The following KIF14 variants were observed in gnomAD, a reference collection of about 807,000 sequenced individuals.
The protein encoded by KIF14 is kinesin family member 14, also known as kinesin-like protein KIF14.
A neutral mutation model predicts 176.2 loss-of-function variants in KIF14; 98 were observed. The observed-to-expected ratio is 0.56, with a 90% CI of 0.47 to 0.66. KIF14 has a LOEUF of 0.66. Ranked by LOEUF, KIF14 falls within the 30% of genes least tolerant of loss-of-function variation. The pLI is 0.00. For missense variants in KIF14, 1,751 were observed against 1,920.4 expected (o/e 0.91, Z 1.65); for synonymous variants, 566 against 632.2 (o/e 0.90, Z 1.57).
At chr1:200,555,903 C>A (rs561362246) in intron 27 of KIF14, among the ~76,000 whole-genome samples, 2 of 151,898 alleles carry the variant, frequency 1.3e-5, no homozygotes, top group African/African-American at 4.8e-5. Flanking sequence ...ATATGGACAC[C>A]CTCTAATATT....
In KIF14 at chr1:200,565,052, T is replaced by C. The variant is rs1259622077; in HGVS notation, c.4071+17A>G. 1.3e-6 allele frequency: 2 copies of C among 1,584,612 alleles called. No individual in the cohort carries two copies. Among genetic ancestry groups the C allele is most frequent in the Non-Finnish European group, 1.7e-6 (2 of 1,157,076 alleles). ...ATTAAATGAATCCTTCAAATGATAA[T>C]AAGCAAATCAATTTACCTGCAAAAA... On this transcript the variant is annotated intron_variant, in intron 25 of 29. Coordinates refer to ENST00000367350, the MANE Select transcript of KIF14 (RefSeq NM_014875.3).
At chr1:200,564,608 C>T (rs1354800200) in intron 25 of KIF14, among the ~76,000 whole-genome samples, 1 of 152,190 alleles carries the variant, frequency 6.6e-6, no homozygotes, top group African/African-American at 2.4e-5. Context: ...AGTTGAAATC[C>T]AATCCCATAC....
intron 1 of KIF14, among the ~76,000 whole-genome samples, chr1:200,619,658 G>A (rs1394668448): frequency 2.0e-5 from 3 of 152,206 alleles, no homozygotes; most frequent in African/African-American, 7.2e-5. Context: ...GCCCATGTAT[G>A]TTGAATACAG....
intron 14 of KIF14, among the ~76,000 whole-genome samples, chr1:200,597,746 G>A (rs1659425370): frequency 6.6e-6 from 1 of 152,088 alleles, no homozygotes; most frequent in South Asian, 2.1e-4. Flanking sequence ...TCATACAATG[G>A]AATACTTCAT....
At chr1:200,555,907 T>C (rs1030875308) in intron 27 of KIF14, among the ~76,000 whole-genome samples, 2 of 152,216 alleles carry the variant, frequency 1.3e-5, no homozygotes, top group Admixed American at 1.3e-4. Context: ...GGACACCCTC[T>C]AATATTTGTT....
At chr1:200,586,992 A>G (rs933981841) in intron 18 of KIF14, among the ~76,000 whole-genome samples, 3 of 152,150 alleles carry the variant, frequency 2.0e-5, no homozygotes, top group African/African-American at 7.2e-5. Context: ...ATAGAGTGGT[A>G]TAATGCAGCG....
intron 18 of KIF14, among the ~76,000 whole-genome samples, chr1:200,588,550 A>T (rs1658880892): frequency 1.3e-5 from 2 of 152,106 alleles, no homozygotes; most frequent in African/African-American, 2.4e-5. Flanking sequence ...AAATATTTGC[A>T]TTTCTAACAT....
chr1:200,555,650 C>T (rs1656794326), intron 27 of KIF14, among the ~76,000 whole-genome samples, 196 bp from the exon 28 acceptor site: 1 of 152,106 alleles, frequency 6.6e-6, no homozygotes, highest in Admixed American at 6.5e-5. Flanking sequence ...ATAAATTGCA[C>T]ATTGACTTCT....
At chr1:200,594,621 G>C (rs1659238534) in intron 14 of KIF14, among the ~76,000 whole-genome samples, 1 of 152,050 alleles carries the variant, frequency 6.6e-6, no homozygotes, top group Admixed American at 6.6e-5. Context: ...TGATACTGTG[G>C]AAAATCAGCT....
At chr1:200,576,536 G>T (rs1488561151) in intron 21 of KIF14, among the ~76,000 whole-genome samples, 2 of 151,426 alleles carry the variant, frequency 1.3e-5, no homozygotes, top group Non-Finnish European at 2.9e-5. Flanking sequence ...CAACCACTAG[G>T]TTTTAAAGTA....
Position 200,615,289 on chromosome 1 carries a change from CT to C in KIF14, c.1367+65del, listed in dbSNP as rs539812974. On this transcript the variant is annotated intron_variant, in intron 3 of 29. Transcript: ENST00000367350. ...CAAAACTATATTCTTTCTATCACCC[CT>C]ATGCCACTTCTCACAAAAGTATATT... is the stretch of plus-strand genomic sequence containing the variant. 2.3e-4 allele frequency: 337 copies of C among 1,451,638 alleles called. No individual in the cohort carries two copies. The African/African-American group carries it at 3.7e-3, about 16-fold the overall frequency. 89.9% of individuals were successfully genotyped at this position (1,451,638 alleles called of 1,614,324 possible).
In KIF14 at chr1:200,586,553, C is replaced by T. The variant is rs182010503; in HGVS notation, c.3115-326G>A. On this transcript the variant is annotated intron_variant, in intron 18 of 29. Coordinates refer to ENST00000367350, the MANE Select transcript of KIF14 (RefSeq NM_014875.3). The stretch of plus-strand genomic sequence containing the variant: ...AAATTTCCTTACAAAATAATTTTTC[C>T]CCACAACAATATTATTAGGAATTTT... Among the ~76,000 whole-genome samples, 136 of 151,164 alleles carry T rather than the reference C, an allele frequency of 9.0e-4. 1 individual carries two copies. The highest frequency in any genetic ancestry group is 2.9e-4 in the Non-Finnish European group (20 of 67,798).
chr1:200,615,566 T>C lies in KIF14; in HGVS notation c.1156A>G (p.Lys386Glu). The change falls in exon 3 of 30, where the codon AAA (lysine) becomes GAA (glutamate). Residue 386 changes from lysine (K) to glutamate (E), a missense_variant. By Grantham distance (56) the Lys-to-Glu change is moderately conservative. Coordinates refer to ENST00000367350, the MANE Select transcript of KIF14 (RefSeq NM_014875.3). ...TCAGGGTGTTCCACAGTTATTTCTT[T>C]CCCACTCATGAAGACTACCTGGGAT... ...KASQVVFMSG[K>E]EITVEHPDTK... The C allele has an allele frequency of 6.2e-7, 1 of 1,613,896 alleles. No individual in the cohort carries two copies. Among genetic ancestry groups the C allele is most frequent in the Non-Finnish European group, 8.5e-7 (1 of 1,179,846 alleles).
chr1:200,606,294 T>C (rs1055216986), intron 6 of KIF14, among the ~76,000 whole-genome samples: 2 of 152,148 alleles, frequency 1.3e-5, no homozygotes, highest in Non-Finnish European at 2.9e-5. Context: ...TTTCCTTTCC[T>C]TTAAGAAAGC....
At chr1:200,605,199 C>A (rs138739979) in intron 8 of KIF14, 84 bp downstream of exon 8, 1 of 1,311,970 alleles carries the variant, frequency 7.6e-7, no homozygotes, top group South Asian at 1.2e-5. Context: ...TGAATGAGAT[C>A]GGGAACTTTT....
At chr1:200,593,857 A>G (rs1443004481) in intron 14 of KIF14, 88 bp from the exon 15 acceptor site, 3 of 706,600 alleles carry the variant, frequency 4.2e-6, no homozygotes, top group East Asian at 5.5e-5. Context: ...TGCTTGGGCT[A>G]TTCCTTTGGT....
At chr1:200,565,318 C>T in intron 24 of KIF14, 65 bp from the exon 25 acceptor site, 1 of 1,479,500 alleles carries the variant, frequency 6.8e-7, no homozygotes, top group South Asian at 1.3e-5. Context: ...CATATATGAT[C>T]ATCATTAAAA....
At position 200,565,763 on chromosome 1, in the gene KIF14, T is replaced by A; in HGVS notation, c.3662-94A>T. The stretch of plus-strand genomic sequence containing the variant: ...GATCCTTACTTTATGTACTTCTGCA[T>A]TACTGAAATGTATTACAACAACAAA... On this transcript the variant is annotated intron_variant, in intron 23 of 29. Coordinates refer to ENST00000367350, the MANE Select transcript of KIF14 (RefSeq NM_014875.3). The A allele has an allele frequency of 3.8e-6, 3 of 780,178 alleles. No individual in the cohort carries two copies. The South Asian group carries it at 5.9e-5, about 15-fold the overall frequency. The allele number at this position is 780,178 out of a possible 1,614,324, so 48.3% of individuals were successfully genotyped here. A position where few individuals can be genotyped will look rare whatever the true frequency, so the allele number is the denominator to read the frequency against.
At position 200,606,788 on chromosome 1, in the gene KIF14, C is replaced by T. The variant is rs778546194; in HGVS notation, c.1565G>A (p.Arg522Lys). Residue 522 changes from arginine to lysine, a missense_variant, in exon 6 of 30, where the codon AGG becomes AAG. Physicochemically the swap from Arg to Lys is conservative, Grantham distance 26 (BLOSUM62 2). Transcript: ENST00000367350. ...ATATGGTCCATAAACAGGATGTTCCCTCACTCTCAGCTAGAAGAAGCAAAT... is the reference window on the plus strand; with the variant it reads ...ATATGGTCCATAAACAGGATGTTCCTTCACTCTCAGCTAGAAGAAGCAAAT... ...NGQRKQPLRVREHPVYGPYVE... is the reference protein window; with the variant it reads ...NGQRKQPLRVKEHPVYGPYVE... The T allele has an allele frequency of 9.9e-6, 16 of 1,613,270 alleles. No homozygotes were observed. The highest frequency in any genetic ancestry group is 6.7e-5 in the Admixed American group (4 of 60,016).
Sources: gnomAD v4.1 joint callset for allele counts (sites outside exome capture counted in the v4.1 genomes callset) on GRCh38, gnomAD v4.1.1 for gene constraint, MANE v1.5 for transcripts, NCBI Gene and HGNC (gene_info 2026-07-23, HGNC 2026-07-21) for gene names.